Variants in RBFOX1 observed in about 807,000 individuals in gnomAD.
RBFOX1 encodes the protein RNA binding protein fox-1 homolog 1.
In RBFOX1, 8 loss-of-function variants were observed where a neutral mutation model predicts 57.7. The observed-to-expected ratio is 0.14, with a 90% CI of 0.08 to 0.25. The LOEUF (loss-of-function observed/expected upper bound fraction) is 0.25. Ranked by LOEUF, RBFOX1 falls within the 10% of genes least tolerant of loss-of-function variation. RBFOX1 has a pLI of 1.00. For missense variants in RBFOX1, 611 were observed against 548.5 expected (o/e 1.11, Z -1.14); for synonymous variants, 326 against 222.4 (o/e 1.47, Z -4.15).
chr16:7,190,507 C>G (rs568493633), intron 4 of RBFOX1, among the ~76,000 whole-genome samples: 1 of 149,912 alleles, frequency 6.7e-6, no homozygotes. Context: ...TTTTTTCTTT[C>G]CTGAGTGATA....
At chr16:6,035,984 T>A (rs149346592) in intron 1 of RBFOX1, among the ~76,000 whole-genome samples, 27 of 152,310 alleles carry the variant, frequency 1.8e-4, no homozygotes, top group African/African-American at 6.5e-4. Context: ...AATACTCCTC[T>A]TTCCTGAGGT....
chr16:6,220,047 T>C (rs2097361951), intron 1 of RBFOX1, among the ~76,000 whole-genome samples: 2 of 152,030 alleles, frequency 1.3e-5, no homozygotes, highest in Admixed American at 1.3e-4. Context: ...GTCATCTGTC[T>C]GTTTCTATAT....
intron 3 of RBFOX1, among the ~76,000 whole-genome samples, chr16:7,001,563 G>T (rs972561426): frequency 6.6e-6 from 1 of 151,948 alleles, no homozygotes; most frequent in Non-Finnish European, 1.5e-5. Flanking sequence ...TTCAAGTGAT[G>T]CTCCTACATC....
chr16:6,861,805 C>G (rs1014806675), intron 3 of RBFOX1, among the ~76,000 whole-genome samples: 3 of 147,968 alleles, frequency 2.0e-5, no homozygotes, highest in Non-Finnish European at 3.0e-5. Context: ...CCCCCTCTTT[C>G]CTAGCCAGCG....
At chr16:7,376,406 C>T (rs2097686777) in intron 4 of RBFOX1, among the ~76,000 whole-genome samples, 1 of 152,130 alleles carries the variant, frequency 6.6e-6, no homozygotes, top group Non-Finnish European at 1.5e-5. Flanking sequence ...GACTTTCATC[C>T]CCATTTCACA....
chr16:6,683,256 G>C (rs905901047), intron 3 of RBFOX1, among the ~76,000 whole-genome samples: 1 of 152,206 alleles, frequency 6.6e-6, no homozygotes, highest in African/African-American at 2.4e-5. Flanking sequence ...CATAGTTCCA[G>C]TGCAGAGGTC....
intron 4 of RBFOX1, among the ~76,000 whole-genome samples, chr16:7,277,792 C>T (rs999697951): frequency 3.9e-5 from 6 of 152,108 alleles, no homozygotes; most frequent in African/African-American, 1.2e-4. Flanking sequence ...ACAGGAATAT[C>T]AGTTAAAATG....
At chr16:6,461,498 A>T (rs1348857034) in intron 2 of RBFOX1, among the ~76,000 whole-genome samples, 1 of 152,138 alleles carries the variant, frequency 6.6e-6, no homozygotes, top group Non-Finnish European at 1.5e-5. Context: ...GGCTAATTTT[A>T]CTTGTTTTGT....
intron 2 of RBFOX1, among the ~76,000 whole-genome samples, chr16:6,557,546 G>A (rs188779235): frequency 3.0e-4 from 45 of 152,204 alleles, no homozygotes; most frequent in Admixed American, 9.8e-4. Context: ...GCTGTCTGAC[G>A]TTCAGAAATG....
intron 4 of RBFOX1, among the ~76,000 whole-genome samples, chr16:7,406,857 C>A (rs2098350082): frequency 6.6e-6 from 1 of 152,152 alleles, no homozygotes; most frequent in African/African-American, 2.4e-5. Flanking sequence ...CATTTCCTTG[C>A]ATTTTCTAGT....
At chr16:7,020,173 C>G (rs1452109067) in intron 3 of RBFOX1, among the ~76,000 whole-genome samples, 1 of 152,002 alleles carries the variant, frequency 6.6e-6, no homozygotes, top group East Asian at 1.9e-4. Flanking sequence ...ATCTTTATAC[C>G]TCTGTGTAAA....
At chr16:7,366,344 A>C (rs2097447047) in intron 4 of RBFOX1, among the ~76,000 whole-genome samples, 1 of 152,200 alleles carries the variant, frequency 6.6e-6, no homozygotes, top group African/African-American at 2.4e-5. Flanking sequence ...TCACAAAGGC[A>C]CGGCACCTAG....
chr16:7,016,924 A>G (rs1158144128), intron 3 of RBFOX1, among the ~76,000 whole-genome samples: 2 of 152,262 alleles, frequency 1.3e-5, no homozygotes, highest in East Asian at 1.9e-4. Context: ...CCTCACTGGC[A>G]TTTTGGTAAA....
chr16:5,361,687 C>A (rs2065556097), intron 1 of RBFOX1, among the ~76,000 whole-genome samples: 1 of 152,182 alleles, frequency 6.6e-6, no homozygotes, highest in African/African-American at 2.4e-5. Flanking sequence ...GGTTGCCGAG[C>A]AGTCAACTGA....
At chr16:6,056,614 C>T (rs115020661) in intron 1 of RBFOX1, among the ~76,000 whole-genome samples, 256 of 152,266 alleles carry the variant, frequency 1.7e-3, no homozygotes, top group African/African-American at 5.9e-3. Context: ...GGGTCTATAG[C>T]TGTTACCAGG....
chr16:5,719,261 G>C (rs894802334), intron 3 of RBFOX1, among the ~76,000 whole-genome samples: 1 of 148,726 alleles, frequency 6.7e-6, no homozygotes, highest in Admixed American at 6.7e-5. Context: ...GAGTGCAGTG[G>C]CACGATCTCG....
rs1567994629 is a variant in RBFOX1, at chr16:6,351,322, A to ATG, written c.-64+34265_-64+34266insTG. 1.1e-3 allele frequency among the ~76,000 whole-genome samples: 144 copies of ATG among 129,000 alleles called. 2 individuals are homozygous for ATG. Among genetic ancestry groups the ATG allele is most frequent in the African/African-American group, 4.3e-3 (138 of 32,276 alleles). The allele number at this position is 129,000 out of a possible 152,430, so 84.6% of individuals were successfully genotyped here. On this transcript the variant is annotated intron_variant, in intron 2 of 15. Transcript: ENST00000550418. ...TGTATACATAAAATATATATATATA[A>ATG]CGTGTGTGTGTGTGTGTGTGTGTGT...
chr16:7,607,925 A>T (rs565343508), intron 10 of RBFOX1, among the ~76,000 whole-genome samples: 1 of 152,256 alleles, frequency 6.6e-6, no homozygotes, highest in Admixed American at 6.5e-5. Flanking sequence ...CCTAAGCACC[A>T]ATTACCTCTC....
At chr16:7,363,570 C>T (rs116680803) in intron 4 of RBFOX1, among the ~76,000 whole-genome samples, 2,491 of 152,174 alleles carry the variant, frequency 0.016, 64 homozygotes, top group African/African-American at 0.055. Context: ...AAATGGGTCG[C>T]CTGGCTTTTA....
Sources: allele counts gnomAD v4.1 joint callset (sites outside exome capture counted in the v4.1 genomes callset), GRCh38; gene constraint gnomAD v4.1.1; transcripts MANE v1.5; gene names NCBI Gene and HGNC (gene_info 2026-07-23, HGNC 2026-07-21).